CDH26: variants seen among roughly 807,000 people sequenced by gnomAD.
The protein encoded by CDH26 is cadherin-like protein 26.
CDH26 carries 83 observed loss-of-function variants against 90.3 expected under a neutral mutation model. That is an observed-to-expected ratio of 0.92 (90% CI 0.77 to 1.10). CDH26 has a LOEUF of 1.10. Ranked by LOEUF, CDH26 falls within the 50% of genes least tolerant of loss-of-function variation. CDH26 has a pLI of 0.00. For synonymous variants in CDH26, 397 were observed against 396.3 expected (o/e 1.00, Z -0.02); for missense variants, 1,013 against 1,037.6 (o/e 0.98, Z 0.33).
At chr20:60,001,213 A>C in intron 14 of CDH26, 130 bp from the exon 15 acceptor site, 11 of 1,069,872 alleles carry the variant, frequency 1.0e-5, no homozygotes, top group Admixed American at 4.0e-5. Context: ...CCTCCCTCTC[A>C]TCGTGTTAAT....
At chr20:60,003,698 T>A (rs1339455158) in intron 16 of CDH26, among the ~76,000 whole-genome samples, 1 of 152,228 alleles carries the variant, frequency 6.6e-6, no homozygotes, top group Non-Finnish European at 1.5e-5. Context: ...AAAAATAATA[T>A]TCAATATTGT....
At chr20:59,979,485 C>T (rs2061367791) in intron 4 of CDH26, among the ~76,000 whole-genome samples, 1 of 152,056 alleles carries the variant, frequency 6.6e-6, no homozygotes, top group South Asian at 2.1e-4. Flanking sequence ...GCGTGAGCCG[C>T]CGTGCCCAGC....
At chr20:59,989,287 G>C in intron 9 of CDH26, 124 bp downstream of exon 9, 1 of 1,242,858 alleles carries the variant, frequency 8.0e-7, no homozygotes, top group Non-Finnish European at 1.1e-6. Flanking sequence ...CCAGCGCTTT[G>C]GGAGGCCGAG....
downstream of CDH26, among the ~76,000 whole-genome samples, chr20:60,019,079 G>A (rs187646926): frequency 1.7e-4 from 26 of 152,144 alleles, no homozygotes; most frequent in Admixed American, 8.5e-4. Flanking sequence ...TGAGAAATCC[G>A]CAGTCTAATG....
intron 16 of CDH26, among the ~76,000 whole-genome samples, chr20:60,004,549 G>A (rs2061718876): frequency 6.6e-6 from 1 of 151,978 alleles, no homozygotes; most frequent in Admixed American, 6.5e-5. Flanking sequence ...GGCGTATCAC[G>A]AGATCAGGAG....
intron 7 of CDH26, among the ~76,000 whole-genome samples, chr20:60,022,926 C>G (rs1387771057): frequency 1.3e-5 from 2 of 152,244 alleles, no homozygotes; most frequent in Admixed American, 6.5e-5. Context: ...GTAAAAGAAC[C>G]CTGATTCTTG....
chr20:59,958,700 T>C lies in CDH26; in HGVS notation c.-27T>C. On this transcript the variant is annotated 5_prime_UTR_variant, in exon 1 of 18. Coordinates refer to ENST00000348616, the MANE Select transcript of CDH26 (RefSeq NM_177980.4). ...TGGAGGACTGGTCATCAGCTGCACG[T>C]TCTGGGTCTGTCTTGGGTATTCCCA... 6.2e-6 allele frequency: 10 copies of C among 1,613,082 alleles called. No homozygotes were observed. Among genetic ancestry groups the C allele is most frequent in the Non-Finnish European group, 7.6e-6 (9 of 1,179,094 alleles).
intron 4 of CDH26, among the ~76,000 whole-genome samples, chr20:59,980,571 T>G (rs2061383433): frequency 6.6e-6 from 1 of 152,242 alleles, no homozygotes; most frequent in African/African-American, 2.4e-5. Context: ...GTGCTGGGAT[T>G]ACAGGCATGA....
rs550065110 is a variant in CDH26, at chr20:59,976,969, G to A, written c.393+4846G>A. Among the ~76,000 whole-genome samples the A allele has an allele frequency of 2.6e-5, 4 of 152,264 alleles. No individual in the cohort carries two copies. In the South Asian group the frequency reaches 8.3e-4, roughly 32 times the overall value. ...GAGGGCCACCGACCCTGGGCACTGA[G>A]TAGCCATAGAGTGAAGTGAGGAAGA... On this transcript the variant is annotated intron_variant, in intron 4 of 17. Coordinates refer to ENST00000348616, the MANE Select transcript of CDH26 (RefSeq NM_177980.4).
chr20:60,000,155 C>T (rs1277316835), intron 14 of CDH26, among the ~76,000 whole-genome samples: 2 of 152,180 alleles, frequency 1.3e-5, no homozygotes, highest in African/African-American at 4.8e-5. Flanking sequence ...CTGCCAAAGG[C>T]CCGGGGCCCC....
In CDH26 at chr20:59,958,658, C is replaced by T. The variant is rs114641732; in HGVS notation, c.-69C>T. ...TGGCTGAGAAGGAGGTGTGTGGCTC[C>T]GGTGAGACCACCAGCTTGGAGGACT... On this transcript the variant is annotated 5_prime_UTR_variant, in exon 1 of 18. Transcript: ENST00000348616. 4.6e-3 allele frequency: 6,842 copies of T among 1,494,094 alleles called. 77 individuals are homozygous for T. Among genetic ancestry groups the T allele is most frequent in the African/African-American group, 0.03 (2,150 of 72,624 alleles). The allele number at this position is 1,494,094 out of a possible 1,614,324, so 92.6% of individuals were successfully genotyped here. A position where few individuals can be genotyped will look rare whatever the true frequency, so the allele number is the denominator to read the frequency against.
At chr20:59,969,051 A>C in intron 2 of CDH26, 28 bp downstream of exon 2, 1 of 1,453,468 alleles carries the variant, frequency 6.9e-7, no homozygotes, top group Non-Finnish European at 9.7e-7. Context: ...GTTTCTTAAT[A>C]TATAAAATCA....
rs1333731166 is a variant in CDH26 at position 60,006,305 on chromosome 20, G to C, written c.2221-408G>C. On this transcript the variant is annotated intron_variant, in intron 16 of 17. Coordinates refer to ENST00000348616, the MANE Select transcript of CDH26 (RefSeq NM_177980.4). ...GACCCAGATCCACAGACATGGGCCA[G>C]ATGAGCAGGAGACTGCCAGCAGCCC... 5.3e-5 allele frequency among the ~76,000 whole-genome samples: 8 copies of C among 152,244 alleles called. No individual in the cohort carries two copies. The East Asian group carries it at 1.5e-3, about 29-fold the overall frequency.
chr20:59,967,666 C>G (rs1235154446), intron 1 of CDH26, among the ~76,000 whole-genome samples: 1 of 151,690 alleles, frequency 6.6e-6, no homozygotes, highest in Non-Finnish European at 1.5e-5. Context: ...CCTCCCCACT[C>G]CCACCCTTTC....
chr20:59,988,281 A>G (rs1430661043), intron 8 of CDH26, among the ~76,000 whole-genome samples: 2 of 152,122 alleles, frequency 1.3e-5, no homozygotes, highest in African/African-American at 4.8e-5. Context: ...ATTGCTCACA[A>G]CCAGCCCTAG....
chr20:59,971,737 C>G (rs1378688490), intron 3 of CDH26, among the ~76,000 whole-genome samples: 1 of 152,120 alleles, frequency 6.6e-6, no homozygotes, highest in Non-Finnish European at 1.5e-5. Flanking sequence ...TGTTGATGAA[C>G]ATTTATGCTA....
intron 13 of CDH26, among the ~76,000 whole-genome samples, chr20:59,997,885 C>G (rs2061619971): frequency 6.6e-6 from 1 of 152,228 alleles, no homozygotes; most frequent in Admixed American, 6.5e-5. Flanking sequence ...TCGCCCAAGG[C>G]TCCCAGGGTT....
At chr20:59,976,671 G>A (rs1318758146) in intron 4 of CDH26, among the ~76,000 whole-genome samples, 1 of 152,152 alleles carries the variant, frequency 6.6e-6, no homozygotes, top group Non-Finnish European at 1.5e-5. Context: ...AGTCCCTGCA[G>A]CGGACTAGCT....
At position 60,021,915 on chromosome 20, in the gene CDH26, T is replaced by TCTCCTG. The variant is rs2061961449; in HGVS notation, c.948-9316_948-9315insCTCCTG. ...ACACACACATATATATATATATATA[T>TCTCCTG]ATCCTGACTATTTTCATAGGCCTTT... On this transcript the variant is annotated intron_variant, in intron 7 of 8. Coordinates refer to the CDH26 transcript ENST00000370991. 3.6e-5 allele frequency among the ~76,000 whole-genome samples: 2 copies of TCTCCTG among 56,100 alleles called. 1 individual carries two copies. Among genetic ancestry groups the TCTCCTG allele is most frequent in the Non-Finnish European group, 1.0e-4 (2 of 19,552 alleles). 36.8% of individuals were successfully genotyped at this position (56,100 alleles called of 152,430 possible).
Sources: allele counts gnomAD v4.1 joint callset (sites outside exome capture counted in the v4.1 genomes callset), GRCh38; gene constraint gnomAD v4.1.1; transcripts MANE v1.5; gene names NCBI Gene and HGNC (gene_info 2026-07-23, HGNC 2026-07-21).